Variants in MRPS10 observed in about 807,000 individuals in gnomAD.
MRPS10 encodes small ribosomal subunit protein uS10m.
A neutral mutation model predicts 27.5 loss-of-function variants in MRPS10; 23 were observed. The ratio of observed to expected loss-of-function variants is 0.84; its 90% CI spans 0.60 to 1.18. The LOEUF is 1.18. Ranked by LOEUF, MRPS10 falls within the 50% of genes most tolerant of loss-of-function variation. The pLI is 0.00. For synonymous variants in MRPS10, 88 were observed against 84.2 expected (o/e 1.04, Z -0.25); for missense variants, 237 against 240.1 (o/e 0.99, Z 0.09).
intron 3 of MRPS10, among the ~76,000 whole-genome samples, chr6:42,212,491 G>T (rs756624806): frequency 1.3e-5 from 2 of 152,088 alleles, no homozygotes. Context: ...TTTTATTCGC[G>T]TATGTTTTGT....
chr6:42,210,569 T>C lies in MRPS10; in HGVS notation c.351A>G (p.Arg117=). 6.6e-7 allele frequency: 1 copy of C among 1,509,340 alleles called. No individual in the cohort carries two copies. The highest frequency in any genetic ancestry group is 9.0e-7 in the Non-Finnish European group (1 of 1,112,790). The allele number at this position is 1,509,340 out of a possible 1,614,324, so 93.5% of individuals were successfully genotyped here. The change falls in exon 5 of 7, where the codon CGA becomes CGG. Residue 117 remains arginine, a synonymous_variant. Coordinates refer to ENST00000053468, the MANE Select transcript of MRPS10 (RefSeq NM_018141.4). Reference sequence around the variant, plus strand: ...TATGCACTGATTGGAGAAGAGTAAATCGCTCTATTTTCCTTGGAGGTTCAT... The same window carrying C: ...TATGCACTGATTGGAGAAGAGTAAACCGCTCTATTTTCCTTGGAGGTTCAT... The part of the protein sequence containing the change: ...KVHEPPRKIE[R]FTLLQSVHIY...
At chr6:42,214,076 A>G (rs1355086756) in intron 3 of MRPS10, 44 bp downstream of exon 3, 1 of 1,479,026 alleles carries the variant, frequency 6.8e-7, no homozygotes, top group Non-Finnish European at 9.2e-7. Context: ...AGGAAAACCT[A>G]TTGCCAAGGT....
intron 1 of MRPS10, among the ~76,000 whole-genome samples, chr6:42,215,727 G>A (rs1373006343): frequency 6.6e-6 from 1 of 152,080 alleles, no homozygotes; most frequent in African/African-American, 2.4e-5. Context: ...ACCTAGCCAC[G>A]TTTTAAAAGC....
intron 1 of MRPS10, among the ~76,000 whole-genome samples, chr6:42,216,975 T>A (rs545384969): frequency 1.8e-4 from 28 of 152,264 alleles, no homozygotes; most frequent in African/African-American, 6.7e-4. Flanking sequence ...TACAGTGAAG[T>A]TTTCCCGTGA....
rs34526507 is a variant in MRPS10, at chr6:42,207,667, A to C, written c.*622T>G. On this transcript the variant is annotated 3_prime_UTR_variant, in exon 7 of 7. Coordinates refer to ENST00000053468, the MANE Select transcript of MRPS10 (RefSeq NM_018141.4). ...CAACTAGTAATTTCTTAAGATCATA[A>C]ATTCCATTACAGTAACCCTGGTAGG... The C allele has an allele frequency of 0.059, 8,939 of 152,318 alleles. 358 individuals carry two copies. The highest frequency in any genetic ancestry group is 0.11 in the Admixed American group (1,748 of 15,296). 9.4% of individuals were successfully genotyped at this position (152,318 alleles called of 1,614,324 possible). A position where few individuals can be genotyped will look rare whatever the true frequency, so the allele number is the denominator to read the frequency against.
intron 1 of MRPS10, among the ~76,000 whole-genome samples, chr6:42,215,337 G>A (rs1267009332): frequency 1.2e-5 from 1 of 84,676 alleles, no homozygotes; most frequent in Non-Finnish European, 2.2e-5. Context: ...TCCAGGCTGG[G>A]TGACAGAGCG....
At chr6:42,210,430 T>A in intron 5 of MRPS10, 58 bp downstream of exon 5, 7 of 775,378 alleles carry the variant, frequency 9.0e-6, no homozygotes, top group Non-Finnish European at 1.4e-5. Flanking sequence ...AGTAAAGTTA[T>A]ATGCTAGTGT....
chr6:42,216,373 AGAGAGAGAGAGAGTGT>A lies in MRPS10; in HGVS notation c.48+1413_48+1428del, dbSNP rs1232073956. Among the ~76,000 whole-genome samples the A allele has an allele frequency of 5.4e-4, 22 of 41,054 alleles. 1 individual carries two copies. The highest frequency in any genetic ancestry group is 1.3e-3 in the African/African-American group (22 of 17,316). 26.9% of individuals were successfully genotyped at this position (41,054 alleles called of 152,430 possible). On this transcript the variant is annotated intron_variant, in intron 1 of 6. Coordinates refer to ENST00000053468, the MANE Select transcript of MRPS10 (RefSeq NM_018141.4). The stretch of plus-strand genomic sequence containing the variant: ...TTTGTATTTCTTGAGAGAGAGAGAG[AGAGAGAGAGAGAGTGT>A]GTGTGTGTGTGTGTGTGTGTGTGTT...
intron 1 of MRPS10, among the ~76,000 whole-genome samples, chr6:42,216,026 C>CTTTTTTTTTTTTTTTCTTTTT (rs1768918371): frequency 1.8e-5 from 1 of 56,974 alleles, no homozygotes. Context: ...TTTTTCTTTT[C>CTTTTTTTTTTTTTTTCTTTTT]TTTTTTTTTT....
chr6:42,208,719 G>A (rs1439186665), intron 6 of MRPS10, 139 bp downstream of exon 6: 4 of 628,690 alleles, frequency 6.4e-6, no homozygotes, highest in African/African-American at 1.9e-5. Flanking sequence ...AACCGCTGTG[G>A]CAACTGTGTC....
intron 1 of MRPS10, 47 bp downstream of exon 1, chr6:42,217,755 G>A (rs759432563): frequency 6.3e-7 from 1 of 1,595,124 alleles, no homozygotes; most frequent in Non-Finnish European, 8.6e-7. Flanking sequence ...AAACTTAAAA[G>A]CAACTATCCC....
chr6:42,213,699 T>C lies in MRPS10; in HGVS notation c.186+421A>G, dbSNP rs374958585. On this transcript the variant is annotated intron_variant, in intron 3 of 6. Coordinates refer to ENST00000053468, the MANE Select transcript of MRPS10 (RefSeq NM_018141.4). Reference sequence around the variant, plus strand: ...TTACCAAGTTCCTTCTAGATGTTTATTATTTGTGCTAACGCATTTTCTCAC... The same window carrying C: ...TTACCAAGTTCCTTCTAGATGTTTACTATTTGTGCTAACGCATTTTCTCAC... Among the ~76,000 whole-genome samples the C allele has an allele frequency of 2.6e-5, 4 of 152,230 alleles. No individual in the cohort carries two copies. The East Asian group carries it at 5.8e-4, about 22-fold the overall frequency.
chr6:42,216,385 A>AGAGAGAGAGAGAGAGTGTGTGT lies in MRPS10; in HGVS notation c.48+1416_48+1417insACACACACTCTCTCTCTCTCTC. On this transcript the variant is annotated intron_variant, in intron 1 of 6. Coordinates refer to ENST00000053468, the MANE Select transcript of MRPS10 (RefSeq NM_018141.4). ...GAGAGAGAGAGAGAGAGAGAGAGAGAGTGTGTGTGTGTGTGTGTGTGTGTG... is the reference window on the plus strand; with the variant it reads ...GAGAGAGAGAGAGAGAGAGAGAGAGAGAGAGAGAGAGAGAGTGTGTGTGTGTGTGTGTGTGTGTGTGTGTGTG... Among the ~76,000 whole-genome samples, 12 of 58,698 alleles carry AGAGAGAGAGAGAGAGTGTGTGT rather than the reference A, an allele frequency of 2.0e-4. 1 individual carries two copies. The highest frequency in any genetic ancestry group is 9.2e-4 in the South Asian group (1 of 1,086). The allele number at this position is 58,698 out of a possible 152,430, so 38.5% of individuals were successfully genotyped here. A position where few individuals can be genotyped will look rare whatever the true frequency, so the allele number is the denominator to read the frequency against.
intron 3 of MRPS10, 85 bp downstream of exon 3, chr6:42,214,035 G>A (rs2273283): frequency 0.62 from 733,345 of 1,173,464 alleles, 234,663 homozygotes; most frequent in East Asian, 0.84. Flanking sequence ...TTCATAGAGT[G>A]TTTGGGGAAA....
At chr6:42,208,981 G>A (rs1768691933) in intron 5 of MRPS10, 34 bp from the exon 6 acceptor site, 1 of 1,426,726 alleles carries the variant, frequency 7.0e-7, no homozygotes, top group Non-Finnish European at 9.7e-7. Flanking sequence ...TTTCATGTAA[G>A]CTGTTTGTTA....
intron 3 of MRPS10, 56 bp downstream of exon 3, chr6:42,214,064 T>C: frequency 2.8e-6 from 4 of 1,439,408 alleles, no homozygotes; most frequent in Non-Finnish European, 3.8e-6. Flanking sequence ...AATGAAATAA[T>C]AAGGAAAACC....
At chr6:42,209,055 G>A in intron 5 of MRPS10, 108 bp from the exon 6 acceptor site, 2 of 681,450 alleles carry the variant, frequency 2.9e-6, no homozygotes, top group Non-Finnish European at 4.8e-6. Context: ...GCTGGAGTGT[G>A]TGCAATCTCA....
intron 1 of MRPS10, among the ~76,000 whole-genome samples, 166 bp from the exon 2 acceptor site, chr6:42,214,510 C>A (rs1020960388): frequency 6.7e-6 from 1 of 149,656 alleles, no homozygotes. Context: ...AATGGTAGAG[C>A]TGATGATAAA....
chr6:42,210,489 T>G lies in MRPS10; in HGVS notation c.431A>C (p.Glu144Ala). The change falls in exon 5 of 7, where the codon GAG becomes GCG. Residue 144 changes from glutamate to alanine, a missense_variant and splice_region_variant. Glu to Ala is a moderately radical substitution (Grantham distance 107). Transcript: ENST00000053468. ...CCAGAATTTCTCAAATACACTCACC[T>G]CTAAACATCTGTAAAGTGTTCTCAT... ...YEMRTLYRCL[E>A]LEHLTGSTAD... 1.4e-6 allele frequency: 2 copies of G among 1,431,502 alleles called. No homozygotes were observed. Among genetic ancestry groups the G allele is most frequent in the Non-Finnish European group, 1.9e-6 (2 of 1,061,050 alleles). 88.7% of individuals were successfully genotyped at this position (1,431,502 alleles called of 1,614,324 possible).
Sources: gnomAD v4.1 joint callset for allele counts (sites outside exome capture counted in the v4.1 genomes callset) on GRCh38, gnomAD v4.1.1 for gene constraint, MANE v1.5 for transcripts, NCBI Gene and HGNC (gene_info 2026-07-23, HGNC 2026-07-21) for gene names.